Variants in BRINP1 observed in about 807,000 individuals in gnomAD.
BRINP1 encodes BMP/retinoic acid-inducible neural-specific protein 1.
A neutral mutation model predicts 72.9 loss-of-function variants in BRINP1; 17 were observed. That is an observed-to-expected ratio of 0.23 (90% CI 0.16 to 0.35). The LOEUF is 0.35. Among genes scored for constraint, BRINP1 ranks in the 10% least tolerant of loss-of-function variants. The pLI, the probability that BRINP1 is intolerant of heterozygous loss-of-function variation, is 1.00. For synonymous variants in BRINP1, 418 were observed against 378.5 expected (o/e 1.10, Z -1.21); for missense variants, 850 against 1,001.6 (o/e 0.85, Z 2.04).
intron 2 of BRINP1, among the ~76,000 whole-genome samples, chr9:119,293,380 G>T (rs942319663): frequency 3.3e-5 from 5 of 151,554 alleles, no homozygotes; most frequent in Non-Finnish European, 2.9e-5. Context: ...TTATCCTTAC[G>T]CATGAATAAG....
intron 1 of BRINP1, among the ~76,000 whole-genome samples, chr9:119,367,193 A>ATGTATGTG (rs1554757512): frequency 9.0e-6 from 1 of 111,554 alleles, no homozygotes; most frequent in East Asian, 4.6e-4. Context: ...ATATGAACAC[A>ATGTATGTG]TGTGTGTGTG....
chr9:119,363,660 T>C (rs1232468572), intron 1 of BRINP1, among the ~76,000 whole-genome samples: 1 of 152,202 alleles, frequency 6.6e-6, no homozygotes, highest in Non-Finnish European at 1.5e-5. Flanking sequence ...TCCTCTAGAG[T>C]GTGAACTTAA....
At chr9:119,335,833 A>G (rs529822799) in intron 1 of BRINP1, among the ~76,000 whole-genome samples, 74 of 152,340 alleles carry the variant, frequency 4.9e-4, no homozygotes, top group African/African-American at 1.7e-3. Flanking sequence ...GTATCATCCA[A>G]TCCAGCCTTC....
chr9:119,239,227 A>G (rs566621041), intron 4 of BRINP1, among the ~76,000 whole-genome samples: 45 of 152,318 alleles, frequency 3.0e-4, no homozygotes, highest in Non-Finnish European at 6.2e-4. Context: ...CGCCTGGCAC[A>G]TGGCATGTGT....
At chr9:119,351,739 A>T (rs903639536) in intron 1 of BRINP1, among the ~76,000 whole-genome samples, 1 of 152,222 alleles carries the variant, frequency 6.6e-6, no homozygotes, top group Non-Finnish European at 1.5e-5. Context: ...GAATAATTAT[A>T]GTAGGAAAGT....
At chr9:119,320,829 A>C (rs1363890161) in intron 1 of BRINP1, among the ~76,000 whole-genome samples, 1 of 152,208 alleles carries the variant, frequency 6.6e-6, no homozygotes, top group Non-Finnish European at 1.5e-5. Flanking sequence ...TTGAGGAAGA[A>C]ATCACACATT....
intron 1 of BRINP1, among the ~76,000 whole-genome samples, chr9:119,328,417 C>T (rs1349366702): frequency 6.6e-6 from 1 of 152,110 alleles, no homozygotes; most frequent in East Asian, 1.9e-4. Context: ...CTCCTTTCTC[C>T]CTACCAGAGA....
At chr9:119,179,400 A>G (rs1390550246) in intron 7 of BRINP1, among the ~76,000 whole-genome samples, 1 of 152,196 alleles carries the variant, frequency 6.6e-6, no homozygotes, top group Non-Finnish European at 1.5e-5. Context: ...TTTCATTTCT[A>G]AACTGGAAAA....
chr9:119,277,886 T>G (rs916307878), intron 2 of BRINP1, among the ~76,000 whole-genome samples: 1 of 152,206 alleles, frequency 6.6e-6, no homozygotes, highest in Non-Finnish European at 1.5e-5. Context: ...AACCCCTTGC[T>G]TGATATATTA....
intron 1 of BRINP1, among the ~76,000 whole-genome samples, chr9:119,337,706 T>C (rs1192698391): frequency 2.0e-5 from 3 of 152,234 alleles, no homozygotes; most frequent in Non-Finnish European, 4.4e-5. Flanking sequence ...CTTACTGCTG[T>C]CTTTACAGAT....
chr9:119,290,536 A>G (rs1830810886), intron 2 of BRINP1, among the ~76,000 whole-genome samples: 1 of 152,202 alleles, frequency 6.6e-6, no homozygotes, highest in Non-Finnish European at 1.5e-5. Flanking sequence ...CTGAGCTTTC[A>G]TTAAAAAGTC....
At chr9:119,261,896 C>G (rs1830500470) in intron 2 of BRINP1, among the ~76,000 whole-genome samples, 1 of 151,170 alleles carries the variant, frequency 6.6e-6, no homozygotes, top group Non-Finnish European at 1.5e-5. Flanking sequence ...CTCTTCCTCT[C>G]TCTCTCTCTC....
chr9:119,207,269 G>A (rs2118869764), intron 7 of BRINP1, among the ~76,000 whole-genome samples: 1 of 152,336 alleles, frequency 6.6e-6, no homozygotes, highest in Non-Finnish European at 1.5e-5. Context: ...TGTGGTAGAA[G>A]ACTGCCGTTG....
intron 1 of BRINP1, among the ~76,000 whole-genome samples, chr9:119,360,293 T>A (rs1217026370): frequency 6.6e-6 from 1 of 152,220 alleles, no homozygotes; most frequent in Non-Finnish European, 1.5e-5. Flanking sequence ...ACCAAAGTGC[T>A]GATTTTCTTT....
chr9:119,210,796 C>T (rs1829915462), intron 6 of BRINP1, among the ~76,000 whole-genome samples: 2 of 152,168 alleles, frequency 1.3e-5, no homozygotes, highest in Admixed American at 6.5e-5. Flanking sequence ...TCTCTCAAGG[C>T]GTCAGTTTCC....
chr9:119,334,378 A>C (rs1281350603), intron 1 of BRINP1, among the ~76,000 whole-genome samples: 2 of 152,212 alleles, frequency 1.3e-5, no homozygotes, highest in African/African-American at 4.8e-5. Flanking sequence ...TCATCACCCC[A>C]CAGGCAAGGA....
In BRINP1 at chr9:119,283,063, C is replaced by T. The variant is rs753351970; in HGVS notation, c.218+30075G>A. On this transcript the variant is annotated intron_variant, in intron 2 of 7. Coordinates refer to ENST00000265922, the MANE Select transcript of BRINP1 (RefSeq NM_014618.3). ...GGACTTGACCAAGGATACAGAGTTA[C>T]GGAGAGGTAGAAAGAGGACCAGACT... 4 of 985,274 alleles carry T rather than the reference C, an allele frequency of 4.1e-6. No individual in the cohort carries two copies. The Admixed American group carries it at 1.8e-4, about 45-fold the overall frequency. The allele number at this position is 985,274 out of a possible 1,614,324, so 61.0% of individuals were successfully genotyped here.
chr9:119,177,495 C>T (rs1229114899), intron 7 of BRINP1, among the ~76,000 whole-genome samples: 1 of 152,188 alleles, frequency 6.6e-6, no homozygotes, highest in African/African-American at 2.4e-5. Flanking sequence ...GCCCCTTTCA[C>T]ATGGCCCACA....
intron 7 of BRINP1, among the ~76,000 whole-genome samples, chr9:119,193,146 A>T (rs1431718813): frequency 6.6e-6 from 1 of 152,062 alleles, no homozygotes. Flanking sequence ...ATTTTATTAA[A>T]ATTTTTTTTA....
Sources: gnomAD v4.1 joint callset for allele counts (sites outside exome capture counted in the v4.1 genomes callset) on GRCh38, gnomAD v4.1.1 for gene constraint, MANE v1.5 for transcripts, NCBI Gene and HGNC (gene_info 2026-07-23, HGNC 2026-07-21) for gene names.